The following FGF12 variants were observed in gnomAD, a reference collection of about 807,000 sequenced individuals.
FGF12 encodes the protein fibroblast growth factor 12, also known as fibroblast growth factor 12B.
A neutral mutation model predicts 23.6 loss-of-function variants in FGF12; 14 were observed. That is an observed-to-expected ratio of 0.59 (90% CI 0.39 to 0.93). The LOEUF is 0.93. Ranked by LOEUF, FGF12 falls within the 40% of genes least tolerant of loss-of-function variation. The pLI, the probability that FGF12 is intolerant of heterozygous loss-of-function variation, is 0.00. For synonymous variants in FGF12, 62 were observed against 77.3 expected, an observed-to-expected ratio of 0.80 and a Z score of 1.04; for missense variants, 175 against 217.8, an observed-to-expected ratio of 0.80 and a Z score of 1.24.
At position 192,416,056 on chromosome 3, in the gene FGF12, C is replaced by A. The variant is rs551645529; in HGVS notation, c.14-55518G>T. Among the ~76,000 whole-genome samples, 11 of 152,098 alleles carry A rather than the reference C, an allele frequency of 7.2e-5. No homozygotes were observed. The South Asian group carries it at 2.3e-3, about 32-fold the overall frequency. The stretch of plus-strand genomic sequence containing the variant: ...CAGCACCCAGCACATGACTGACACT[C>A]AAAATATACTATTAAAACCACAATA... On this transcript the variant is annotated intron_variant, in intron 2 of 5. Transcript: ENST00000445105.
chr3:192,196,099 C>T (rs1015406950), intron 4 of FGF12, among the ~76,000 whole-genome samples: 7 of 151,978 alleles, frequency 4.6e-5, no homozygotes, highest in Non-Finnish European at 1.0e-4. Flanking sequence ...TACATGAGTG[C>T]GATAATGTGG....
At chr3:192,286,246 G>C (rs2108644932) in intron 4 of FGF12, among the ~76,000 whole-genome samples, 1 of 152,118 alleles carries the variant, frequency 6.6e-6, no homozygotes, top group Admixed American at 6.6e-5. Context: ...GCGCCCATCA[G>C]AGAGAGGTTA....
intron 2 of FGF12, among the ~76,000 whole-genome samples, chr3:192,421,801 C>A (rs1406272621): frequency 7.3e-5 from 11 of 150,036 alleles, no homozygotes; most frequent in Non-Finnish European, 1.6e-4. Flanking sequence ...CACATGTACC[C>A]CAGAACTTAA....
intron 2 of FGF12, among the ~76,000 whole-genome samples, chr3:192,420,696 T>C (rs1721498462): frequency 6.6e-6 from 1 of 152,188 alleles, no homozygotes; most frequent in African/African-American, 2.4e-5. Context: ...CAGAGACAGA[T>C]GCTGGTGCCA....
intron 2 of FGF12, among the ~76,000 whole-genome samples, chr3:192,666,782 A>C (rs1716886354): frequency 6.6e-6 from 1 of 152,228 alleles, no homozygotes; most frequent in Admixed American, 6.5e-5. Context: ...AGCTCACTTC[A>C]ATCTCACCAA....
intron 2 of FGF12, among the ~76,000 whole-genome samples, chr3:192,547,033 AGAGT>A (rs1422047911): frequency 6.6e-6 from 1 of 152,190 alleles, no homozygotes; most frequent in Non-Finnish European, 1.5e-5. Flanking sequence ...CCTGGGCAAC[AGAGT>A]GAGACCCGGT....
At chr3:192,348,450 A>G (rs1164283686) in intron 3 of FGF12, among the ~76,000 whole-genome samples, 2 of 152,174 alleles carry the variant, frequency 1.3e-5, no homozygotes, top group East Asian at 1.9e-4. Flanking sequence ...AAATTATTGT[A>G]TAATGGTTTA....
At position 192,141,127 on chromosome 3, in the gene FGF12, C is replaced by A. The variant is rs1395044526; in HGVS notation, c.*2882G>T. 1 of 21,830 alleles carries A rather than the reference C, an allele frequency of 4.6e-5. No individual in the cohort carries two copies. The highest frequency in any genetic ancestry group is 7.7e-5 in the Non-Finnish European group (1 of 13,038). 1.4% of individuals were successfully genotyped at this position (21,830 alleles called of 1,614,324 possible). Reference sequence around the variant, plus strand: ...TCCTGGGAAAAATCCCAATGCAACTCCAAAAAAAAAAAAAAAAAAAAAAAA... The same window carrying A: ...TCCTGGGAAAAATCCCAATGCAACTACAAAAAAAAAAAAAAAAAAAAAAAA... On this transcript the variant is annotated 3_prime_UTR_variant, in exon 6 of 6. Transcript: ENST00000445105.
chr3:192,468,488 G>A (rs1158931809), intron 2 of FGF12, among the ~76,000 whole-genome samples: 2 of 152,080 alleles, frequency 1.3e-5, no homozygotes, highest in Non-Finnish European at 2.9e-5. Flanking sequence ...GGGTTATTTT[G>A]TAGACTGTCT....
intron 4 of FGF12, among the ~76,000 whole-genome samples, chr3:192,299,708 A>G (rs895304199): frequency 6.6e-6 from 1 of 152,176 alleles, no homozygotes; most frequent in African/African-American, 2.4e-5. Flanking sequence ...TGTTAATTAA[A>G]TATTACCTGA....
chr3:192,363,028 G>T (rs1217582355), intron 2 of FGF12, among the ~76,000 whole-genome samples: 2 of 147,838 alleles, frequency 1.4e-5, no homozygotes, highest in African/African-American at 4.9e-5. Flanking sequence ...TCATAAGTGG[G>T]AATTGAACAA....
chr3:192,256,418 C>T (rs780140720), intron 4 of FGF12, among the ~76,000 whole-genome samples: 1 of 151,674 alleles, frequency 6.6e-6, no homozygotes, highest in African/African-American at 2.4e-5. Flanking sequence ...ATACTTGTTA[C>T]TGTATAGATA....
chr3:192,177,800 G>A (rs1715943640), intron 4 of FGF12, among the ~76,000 whole-genome samples: 1 of 152,050 alleles, frequency 6.6e-6, no homozygotes, highest in African/African-American at 2.4e-5. Context: ...TTTCATTCAG[G>A]TTACTGCTTA....
chr3:192,576,421 C>G (rs986663078), intron 2 of FGF12, among the ~76,000 whole-genome samples: 5 of 152,120 alleles, frequency 3.3e-5, no homozygotes, highest in Non-Finnish European at 7.3e-5. Flanking sequence ...AAATCTTGCA[C>G]ATTTTCCATA....
chr3:192,500,546 G>A (rs898359923), intron 2 of FGF12, among the ~76,000 whole-genome samples: 3 of 152,148 alleles, frequency 2.0e-5, no homozygotes, highest in Non-Finnish European at 4.4e-5. Flanking sequence ...ATCCTGTTCA[G>A]GTTACTACTC....
intron 4 of FGF12, among the ~76,000 whole-genome samples, chr3:192,307,703 A>G (rs1237471723): frequency 2.0e-5 from 3 of 152,218 alleles, no homozygotes; most frequent in African/African-American, 7.2e-5. Flanking sequence ...ACCCCAGTGA[A>G]GTGGTCAAAT....
intron 2 of FGF12, among the ~76,000 whole-genome samples, chr3:192,625,483 T>G (rs1471725595): frequency 1.3e-5 from 2 of 152,136 alleles, no homozygotes; most frequent in Non-Finnish European, 2.9e-5. Context: ...TGAAATTATT[T>G]TTCTATATTA....
At chr3:192,480,196 TAG>T in intron 2 of FGF12, among the ~76,000 whole-genome samples, 1 of 152,190 alleles carries the variant, frequency 6.6e-6, no homozygotes, top group Middle Eastern at 3.2e-3. Flanking sequence ...TTGATTATTA[TAG>T]AGACAGAATA....
chr3:192,664,347 C>T (rs1184100505), intron 2 of FGF12, among the ~76,000 whole-genome samples: 1 of 152,070 alleles, frequency 6.6e-6, no homozygotes, highest in Non-Finnish European at 1.5e-5. Flanking sequence ...AGTGAAACTC[C>T]TCCCCAGAGT....
Sources: allele counts gnomAD v4.1 joint callset (sites outside exome capture counted in the v4.1 genomes callset), GRCh38; gene constraint gnomAD v4.1.1; transcripts MANE v1.5; gene names NCBI Gene and HGNC (gene_info 2026-07-23, HGNC 2026-07-21).